The following SMOC2 variants were observed in gnomAD, a reference collection of about 807,000 sequenced individuals.
SMOC2 encodes SPARC-related modular calcium-binding protein 2.
SMOC2 carries 39 observed loss-of-function variants against 61.4 expected under a neutral mutation model. The observed-to-expected ratio is 0.64, with a 90% CI of 0.49 to 0.83. SMOC2 has a LOEUF of 0.83. Ranked by LOEUF, SMOC2 falls within the 40% of genes least tolerant of loss-of-function variation. SMOC2 has a pLI of 0.00. For synonymous variants in SMOC2, 247 were observed against 239.9 expected, an observed-to-expected ratio of 1.03 and a Z score of -0.27; for missense variants, 556 against 592.9, an observed-to-expected ratio of 0.94 and a Z score of 0.65.
chr6:168,601,651 T>A (rs899855653), intron 8 of SMOC2, among the ~76,000 whole-genome samples: 13 of 152,156 alleles, frequency 8.5e-5, no homozygotes, highest in Non-Finnish European at 4.4e-5. Context: ...GAGGCCCCTG[T>A]AGCAGAGGTA....
chr6:168,442,700 G>T (rs1442527427), intron 1 of SMOC2, among the ~76,000 whole-genome samples: 1 of 152,220 alleles, frequency 6.6e-6, no homozygotes, highest in Non-Finnish European at 1.5e-5. Flanking sequence ...AGTCATGTGG[G>T]CATCTTTTCT....
chr6:168,540,920 T>C (rs1783864228), intron 4 of SMOC2, among the ~76,000 whole-genome samples: 1 of 152,028 alleles, frequency 6.6e-6, no homozygotes. Context: ...CAGACCTCCC[T>C]CCCCTCACTC....
intron 1 of SMOC2, among the ~76,000 whole-genome samples, chr6:168,450,661 C>T (rs903173068): frequency 2.0e-5 from 3 of 152,150 alleles, no homozygotes; most frequent in Non-Finnish European, 2.9e-5. Context: ...AGAATGATCT[C>T]GGGCCCTGAC....
intron 1 of SMOC2, among the ~76,000 whole-genome samples, chr6:168,451,599 GTCTC>G (rs59096709): frequency 0.018 from 2,623 of 145,608 alleles, 85 homozygotes; most frequent in East Asian, 0.15. Flanking sequence ...CTCTGTCTCT[GTCTC>G]TCTCTCTCTC....
intron 1 of SMOC2, among the ~76,000 whole-genome samples, chr6:168,502,137 A>G (rs1782745465): frequency 6.6e-6 from 1 of 152,216 alleles, no homozygotes; most frequent in Admixed American, 6.5e-5. Flanking sequence ...TGAAATGGCA[A>G]ACATACCCTA....
At chr6:168,506,161 A>T (rs1479384931) in intron 1 of SMOC2, among the ~76,000 whole-genome samples, 5 of 151,856 alleles carry the variant, frequency 3.3e-5, no homozygotes. Flanking sequence ...GTGCACATTT[A>T]TTGTGCACTT....
chr6:168,663,171 G>C (rs1787565709), intron 11 of SMOC2, among the ~76,000 whole-genome samples: 1 of 152,140 alleles, frequency 6.6e-6, no homozygotes, highest in African/African-American at 2.4e-5. Flanking sequence ...AAAGGGATGA[G>C]GATGCTGGAG....
At chr6:168,531,669 G>A (rs2115082291) in intron 4 of SMOC2, among the ~76,000 whole-genome samples, 1 of 152,356 alleles carries the variant, frequency 6.6e-6, no homozygotes, top group Middle Eastern at 3.4e-3. Flanking sequence ...AGAAGTGCCA[G>A]CCATGGCTCA....
intron 4 of SMOC2, among the ~76,000 whole-genome samples, chr6:168,534,726 T>C (rs1783693682): frequency 6.6e-6 from 1 of 152,242 alleles, no homozygotes; most frequent in Non-Finnish European, 1.5e-5. Flanking sequence ...TCCTCTGTTA[T>C]ACTTTAGTGT....
At chr6:168,661,829 A>G (rs1787517605) in intron 11 of SMOC2, among the ~76,000 whole-genome samples, 1 of 152,226 alleles carries the variant, frequency 6.6e-6, no homozygotes, top group Non-Finnish European at 1.5e-5. Context: ...TGAAAAGCCT[A>G]TATTTTTTCC....
At chr6:168,664,929 T>C (rs1314496639) in intron 12 of SMOC2, 2 of 419,020 alleles carry the variant, frequency 4.8e-6, no homozygotes, top group East Asian at 1.5e-4. Context: ...CGACATTTCC[T>C]AAGGCAAGCC....
Position 168,613,142 on chromosome 6 carries a change from C to T in SMOC2, c.907+4903C>T, listed in dbSNP as rs764170893. On this transcript the variant is annotated intron_variant, in intron 9 of 12. Coordinates refer to ENST00000356284, the MANE Select transcript of SMOC2 (RefSeq NM_001166412.2). ...AACGCTCACATTTTCGTCATTGTGA[C>T]GATCTGCGCTGCGTGCAGTCTGATC... 1.3e-4 allele frequency among the ~76,000 whole-genome samples: 20 copies of T among 152,300 alleles called. 1 individual carries two copies. The highest frequency in any genetic ancestry group is 2.5e-4 in the Non-Finnish European group (17 of 68,018).
intron 9 of SMOC2, among the ~76,000 whole-genome samples, chr6:168,636,360 C>T (rs1786719695): frequency 6.6e-6 from 1 of 152,254 alleles, no homozygotes; most frequent in Non-Finnish European, 1.5e-5. Context: ...GTCTTCCCAT[C>T]AGGAGCCATA....
intron 1 of SMOC2, among the ~76,000 whole-genome samples, chr6:168,484,210 C>T (rs749738333): frequency 2.0e-5 from 3 of 151,900 alleles, no homozygotes; most frequent in Non-Finnish European, 4.4e-5. Flanking sequence ...GGATAAATAT[C>T]CGGAATATAC....
chr6:168,525,863 C>T (rs1254183323), intron 2 of SMOC2, among the ~76,000 whole-genome samples: 1 of 152,160 alleles, frequency 6.6e-6, no homozygotes, highest in African/African-American at 2.4e-5. Context: ...GACCCCCGCC[C>T]CTCAGTCACT....
chr6:168,660,117 C>T (rs9364171), intron 11 of SMOC2, among the ~76,000 whole-genome samples: 1 of 149,000 alleles, frequency 6.7e-6, no homozygotes, highest in Non-Finnish European at 1.5e-5. Flanking sequence ...AGGGCAGCCT[C>T]TTCAGCCTCT....
intron 8 of SMOC2, among the ~76,000 whole-genome samples, chr6:168,606,255 G>C (rs1265468179): frequency 6.6e-6 from 1 of 152,120 alleles, no homozygotes; most frequent in Non-Finnish European, 1.5e-5. Context: ...GTGACCTCTT[G>C]GAGCTGACCC....
chr6:168,467,200 G>A (rs566882980), intron 1 of SMOC2, among the ~76,000 whole-genome samples: 1 of 149,860 alleles, frequency 6.7e-6, no homozygotes, highest in South Asian at 2.1e-4. Flanking sequence ...TCGAGACAGG[G>A]TCCTGCTCTG....
chr6:168,464,020 G>A (rs1398465414), intron 1 of SMOC2, among the ~76,000 whole-genome samples: 3 of 151,790 alleles, frequency 2.0e-5, no homozygotes, highest in East Asian at 1.9e-4. Flanking sequence ...GTGAATCCCC[G>A]TCTCTACTAA....
Sources: gnomAD v4.1 joint callset for allele counts (sites outside exome capture counted in the v4.1 genomes callset) on GRCh38, gnomAD v4.1.1 for gene constraint, MANE v1.5 for transcripts, NCBI Gene and HGNC (gene_info 2026-07-23, HGNC 2026-07-21) for gene names.